Variants in DNAH17 observed in about 807,000 individuals in gnomAD.
DNAH17 encodes axonemal beta dynein heavy chain 17.
DNAH17 carries 376 observed loss-of-function variants against 485.6 expected under a neutral mutation model. The ratio of observed to expected loss-of-function variants is 0.77; its 90% CI spans 0.71 to 0.84. The LOEUF (loss-of-function observed/expected upper bound fraction) is 0.84, where lower values mean the gene tolerates loss of function less well. DNAH17 is among the 40% of genes least tolerant of loss of function. The pLI is 0.00. For synonymous variants in DNAH17, 3,031 were observed against 2,405.9 expected (o/e 1.26, Z -7.60); for missense variants, 6,370 against 5,839.3 (o/e 1.09, Z -2.96).
chr17:78,459,724 G>T, intron 60 of DNAH17, 60 bp downstream of exon 60: 1 of 1,591,798 alleles, frequency 6.3e-7, no homozygotes, highest in Non-Finnish European at 8.6e-7. Context: ...TCAGCATCGT[G>T]CCTTGGCCTG....
In DNAH17 at chr17:78,567,147, A is replaced by T. The variant is rs776578810; in HGVS notation, c.1304T>A (p.Ile435Asn). ...QTIEELYKTA[I>N]EFLKLEKIEL... ...GATTTTCTCCAGCTTCAGAAACTCAATTGCTGTTTTATAGAGTTCCTAGTG... is the reference window on the plus strand; with the variant it reads ...GATTTTCTCCAGCTTCAGAAACTCATTTGCTGTTTTATAGAGTTCCTAGTG... Residue 435 changes from isoleucine (I) to asparagine (N), a missense_variant, in exon 10 of 81, where the codon ATT becomes AAT. Ile to Asn is a moderately radical substitution (Grantham distance 149, BLOSUM62 -3). Transcript: ENST00000389840. The T allele has an allele frequency of 1.9e-6, 3 of 1,605,738 alleles. No individual in the cohort carries two copies. The highest frequency in any genetic ancestry group is 2.6e-6 in the Non-Finnish European group (3 of 1,176,062).
chr17:78,547,658 C>T (rs1162157473), intron 16 of DNAH17, among the ~76,000 whole-genome samples: 2 of 150,162 alleles, frequency 1.3e-5, no homozygotes, highest in African/African-American at 4.9e-5. Flanking sequence ...CACTCTGTCT[C>T]CCAGGCTGGA....
At chr17:78,508,135 A>G (rs1468287391) in intron 27 of DNAH17, among the ~76,000 whole-genome samples, 1 of 152,210 alleles carries the variant, frequency 6.6e-6, no homozygotes, top group Non-Finnish European at 1.5e-5. Context: ...GGAGATCAGA[A>G]CGTGCCACCC....
chr17:78,476,132 T>C (rs553251121), intron 52 of DNAH17, among the ~76,000 whole-genome samples: 1 of 152,000 alleles, frequency 6.6e-6, no homozygotes, highest in Non-Finnish European at 1.5e-5. Context: ...GCAGGGCCTT[T>C]CTCCACCCCA....
At position 78,423,936 on chromosome 17, in the gene DNAH17, C is replaced by G. The variant is rs566746938; in HGVS notation, c.13359G>C (p.Leu4453=). The change falls in exon 81 of 81, where the codon CTG becomes CTC. Residue 4453 remains leucine, a synonymous_variant. Coordinates refer to ENST00000389840, the MANE Select transcript of DNAH17 (RefSeq NM_173628.4). ...KTKEKAAKWI[L]AAVALLLQV ...CCTGTAGGAGCAGCGCCACGGCTGCCAGGATCCACTTCGCTGCCTTCTCTT... is the reference window on the plus strand; with the variant it reads ...CCTGTAGGAGCAGCGCCACGGCTGCGAGGATCCACTTCGCTGCCTTCTCTT... 6.2e-7 allele frequency: 1 copy of G among 1,613,994 alleles called. No individual in the cohort carries two copies. The highest frequency in any genetic ancestry group is 2.2e-5 in the East Asian group (1 of 44,888).
chr17:78,468,032 A>AAG (rs56248373), intron 55 of DNAH17, among the ~76,000 whole-genome samples: 281 of 134,998 alleles, frequency 2.1e-3, no homozygotes, highest in Middle Eastern at 4.0e-3. Flanking sequence ...AAAAAAAAAA[A>AAG]AGAGAGAGAG....
chr17:78,469,137 T>A (rs915938619), intron 54 of DNAH17, among the ~76,000 whole-genome samples: 4 of 149,508 alleles, frequency 2.7e-5, no homozygotes, highest in African/African-American at 1.0e-4. Flanking sequence ...AACTTTCTTT[T>A]TTCTGTCTTT....
chr17:78,481,112 T>C (rs1382151051), intron 48 of DNAH17, among the ~76,000 whole-genome samples: 2 of 146,472 alleles, frequency 1.4e-5, no homozygotes, highest in African/African-American at 5.2e-5. Context: ...CCCGGCTTTT[T>C]TTTTTTTTGA....
Position 78,443,982 on chromosome 17 carries a change from G to A in DNAH17, c.11528+622C>T, listed in dbSNP as rs529530640. Among the ~76,000 whole-genome samples, 52 of 152,306 alleles carry A rather than the reference G, an allele frequency of 3.4e-4. No individual in the cohort carries two copies. In the East Asian group the frequency reaches 8.1e-3, roughly 24 times the overall value. On this transcript the variant is annotated intron_variant, in intron 71 of 80. Coordinates refer to ENST00000389840, the MANE Select transcript of DNAH17 (RefSeq NM_173628.4). ...CCCCAGGCTCGTTTCTGTGCTAAAC[G>A]TCACCTCCTTCCTTCAACAGCCCAT...
intron 19 of DNAH17, among the ~76,000 whole-genome samples, chr17:78,534,069 TGA>T (rs1047245790): frequency 4.6e-5 from 7 of 152,242 alleles, no homozygotes; most frequent in South Asian, 2.1e-4. Context: ...GGCAATTCTT[TGA>T]GATAGCAAAA....
chr17:78,472,907 C>G, intron 54 of DNAH17: 1 of 317,602 alleles, frequency 3.1e-6, no homozygotes, highest in Non-Finnish European at 6.5e-6. Flanking sequence ...ACATCCTGCC[C>G]GCTCTATCCC....
chr17:78,559,574 C>A (rs2092106520), intron 13 of DNAH17, among the ~76,000 whole-genome samples: 1 of 152,224 alleles, frequency 6.6e-6, no homozygotes, highest in Non-Finnish European at 1.5e-5. Flanking sequence ...CTGGACTGTG[C>A]CAACAGGCTC....
At chr17:78,537,931 G>C (rs1289459250) in intron 18 of DNAH17, among the ~76,000 whole-genome samples, 1 of 152,172 alleles carries the variant, frequency 6.6e-6, no homozygotes, top group African/African-American at 2.4e-5. Context: ...CTGAGGTCAG[G>C]AGTTTGAGAC....
intron 37 of DNAH17, among the ~76,000 whole-genome samples, chr17:78,498,193 A>AAATAAAGC (rs1555675715): frequency 1.0e-3 from 151 of 144,776 alleles, no homozygotes; most frequent in South Asian, 3.3e-3. Context: ...ATAAATAAAT[A>AAATAAAGC]AAGCAGGCTC....
chr17:78,436,712 G>A (rs1025403617), intron 74 of DNAH17, among the ~76,000 whole-genome samples: 1 of 152,060 alleles, frequency 6.6e-6, no homozygotes, highest in Non-Finnish European at 1.5e-5. Flanking sequence ...GGGTGTGGTG[G>A]TGCATGCCTG....
Position 78,484,913 on chromosome 17 carries a change from A to G in DNAH17, c.7604T>C (p.Val2535Ala), listed in dbSNP as rs979893810. The G allele has an allele frequency of 1.3e-6, 2 of 1,597,510 alleles. No homozygotes were observed. Among genetic ancestry groups the G allele is most frequent in the Non-Finnish European group, 1.7e-6 (2 of 1,171,814 alleles). ...CTGCCGGATGAGGGTGTGCGGGGCCACCGTCCCATACTTGTCCACCTCGGG... is the reference window on the plus strand; with the variant it reads ...CTGCCGGATGAGGGTGTGCGGGGCCGCCGTCCCATACTTGTCCACCTCGGG... ...NMPEVDKYGT[V>A]APHTLIRQHM... The change falls in exon 48 of 81, where the codon GTG becomes GCG. Residue 2535 changes from valine (V) to alanine (A), a missense_variant. By Grantham distance (64) the Val-to-Ala change is moderately conservative (BLOSUM62 0). Coordinates refer to ENST00000389840, the MANE Select transcript of DNAH17 (RefSeq NM_173628.4).
chr17:78,427,554 T>A (rs936369933), intron 77 of DNAH17, among the ~76,000 whole-genome samples: 11 of 152,218 alleles, frequency 7.2e-5, no homozygotes, highest in African/African-American at 2.4e-4. Context: ...AATTCCTGAT[T>A]TCAGTCATTA....
intron 13 of DNAH17, among the ~76,000 whole-genome samples, chr17:78,559,796 G>C (rs547762994): frequency 6.6e-6 from 1 of 151,762 alleles, no homozygotes; most frequent in Admixed American, 6.6e-5. Context: ...CTTCTCCTAC[G>C]ACCTTCCCCT....
intron 65 of DNAH17, 23 bp downstream of exon 65, chr17:78,453,320 C>A (rs1362885245): frequency 1.2e-6 from 2 of 1,610,220 alleles, no homozygotes; most frequent in Admixed American, 1.7e-5. Context: ...CTGGCTCAAG[C>A]CACGGAGGCG....
Sources: gnomAD v4.1 joint callset for allele counts (sites outside exome capture counted in the v4.1 genomes callset) on GRCh38, gnomAD v4.1.1 for gene constraint, MANE v1.5 for transcripts, NCBI Gene and HGNC (gene_info 2026-07-23, HGNC 2026-07-21) for gene names.